The following GPCPD1 variants were observed in gnomAD, a reference collection of about 807,000 sequenced individuals.
The protein encoded by GPCPD1 is glycerophosphocholine phosphodiesterase GPCPD1.
A neutral mutation model predicts 89.2 loss-of-function variants in GPCPD1; 29 were observed. The observed-to-expected ratio is 0.33, with a 90% CI of 0.24 to 0.44. The LOEUF (loss-of-function observed/expected upper bound fraction) is 0.44. Ranked by LOEUF, GPCPD1 falls within the 20% of genes least tolerant of loss-of-function variation. The pLI, the probability that GPCPD1 is intolerant of heterozygous loss-of-function variation, is 1.00. For synonymous variants in GPCPD1, 258 were observed against 266.3 expected (o/e 0.97, Z 0.30); for missense variants, 594 against 808.9 (o/e 0.73, Z 3.22).
At chr20:5,566,847 C>CTT in intron 13 of GPCPD1, 75 bp from the exon 14 acceptor site, 1 of 911,086 alleles carries the variant, frequency 1.1e-6, no homozygotes, top group African/African-American at 1.7e-5. Context: ...AGAAAATATC[C>CTT]TGAAAAACTA....
At chr20:5,572,334 TCTA>T (rs1489347860) in intron 11 of GPCPD1, among the ~76,000 whole-genome samples, 3 of 152,156 alleles carry the variant, frequency 2.0e-5, no homozygotes, top group Non-Finnish European at 1.5e-5. Context: ...GATAAAACAA[TCTA>T]CTAACATTTT....
intron 19 of GPCPD1, among the ~76,000 whole-genome samples, chr20:5,550,075 C>T (rs1188187411): frequency 6.6e-6 from 1 of 151,822 alleles, no homozygotes; most frequent in East Asian, 1.9e-4. Context: ...CGCCTGTAGG[C>T]CCAGCTACTT....
At chr20:5,585,683 T>A (rs1439368563) in intron 5 of GPCPD1, 1 of 149,618 alleles carries the variant, frequency 6.7e-6, no homozygotes, top group Non-Finnish European at 1.5e-5. Flanking sequence ...CAATAGGGAA[T>A]TTAAGAAATT....
At position 5,567,581 on chromosome 20, in the gene GPCPD1, AAG is replaced by A. The variant is rs751349116; in HGVS notation, c.1150-23_1150-22del. 17 of 1,489,546 alleles carry A rather than the reference AAG, an allele frequency of 1.1e-5. No individual in the cohort carries two copies. The Admixed American group carries it at 2.9e-4, about 26-fold the overall frequency. The allele number at this position is 1,489,546 out of a possible 1,614,324, so 92.3% of individuals were successfully genotyped here. A position where few individuals can be genotyped will look rare whatever the true frequency, so the allele number is the denominator to read the frequency against. ...AATTTCTAAAAAAAAAAAAAAAAGA[AAG>A]AAAGAAAAAGAAAGAATAAAGAAAA... is the stretch of plus-strand genomic sequence containing the variant. On this transcript the variant is annotated intron_variant, in intron 12 of 19. Transcript: ENST00000379019.
intron 6 of GPCPD1, 40 bp from the exon 7 acceptor site, chr20:5,580,171 G>T: frequency 1.7e-6 from 2 of 1,157,002 alleles, no homozygotes; most frequent in Non-Finnish European, 1.3e-6. Flanking sequence ...TATTATACAT[G>T]TTTTTTTAAA....
chr20:5,598,477 A>C (rs1979887669), intron 3 of GPCPD1, among the ~76,000 whole-genome samples: 1 of 148,814 alleles, frequency 6.7e-6, no homozygotes, highest in Non-Finnish European at 1.5e-5. Context: ...CTGAGTTGTA[A>C]AAATAAAAAA....
At chr20:5,569,246 G>A (rs1986571989) in intron 12 of GPCPD1, among the ~76,000 whole-genome samples, 1 of 151,908 alleles carries the variant, frequency 6.6e-6, no homozygotes, top group African/African-American at 2.4e-5. Flanking sequence ...AGCAGGTGGT[G>A]CCAGGGTCTT....
chr20:5,606,675 ACACCAT>A (rs1980608096), intron 1 of GPCPD1, among the ~76,000 whole-genome samples: 1 of 152,182 alleles, frequency 6.6e-6, no homozygotes, highest in South Asian at 2.1e-4. Flanking sequence ...GCCCTGCTGA[ACACCAT>A]ACAATACGCA....
chr20:5,588,524 A>G (rs1979091050), intron 4 of GPCPD1, among the ~76,000 whole-genome samples: 1 of 149,572 alleles, frequency 6.7e-6, no homozygotes, highest in African/African-American at 2.5e-5. Flanking sequence ...TCGCAAATAC[A>G]TACATAAAAA....
At chr20:5,566,901 A>G in intron 13 of GPCPD1, 129 bp from the exon 14 acceptor site, 1 of 657,486 alleles carries the variant, frequency 1.5e-6, no homozygotes, top group Non-Finnish European at 2.7e-6. Flanking sequence ...TCAGTTTAAT[A>G]AGAATAAGCA....
intron 1 of GPCPD1, among the ~76,000 whole-genome samples, chr20:5,604,734 GT>G (rs1329869753): frequency 6.7e-6 from 1 of 149,244 alleles, no homozygotes; most frequent in African/African-American, 2.5e-5. Context: ...GAGCCCAGGA[GT>G]TTGAGACCAA....
At chr20:5,608,586 A>G (rs950719068) in intron 1 of GPCPD1, among the ~76,000 whole-genome samples, 1 of 150,740 alleles carries the variant, frequency 6.6e-6, no homozygotes, top group Non-Finnish European at 1.5e-5. Context: ...CAAAAAATGT[A>G]TGCACCCACC....
chr20:5,572,437 T>C (rs931172947), intron 11 of GPCPD1, among the ~76,000 whole-genome samples: 1 of 152,186 alleles, frequency 6.6e-6, no homozygotes, highest in Non-Finnish European at 1.5e-5. Flanking sequence ...AAGCTGTCAA[T>C]TAAATTATGA....
In GPCPD1 at chr20:5,578,572, A is replaced by T; in HGVS notation, c.513T>A (p.Asp171Glu). 6.2e-7 allele frequency: 1 copy of T among 1,613,190 alleles called. No individual in the cohort carries two copies. Among genetic ancestry groups the T allele is most frequent in the South Asian group, 1.1e-5 (1 of 91,074 alleles). Residue 171 changes from aspartate (D) to glutamate (E), a missense_variant, in exon 8 of 20, where the codon GAT becomes GAA. Coordinates refer to ENST00000379019, the MANE Select transcript of GPCPD1 (RefSeq NM_019593.5). ...GGAGTACAGTGGGAGATACCCTATC[A>T]TCGTCATCTTCCTCCAGGCCTTCTA... The part of the protein sequence containing the change: ...LTLEGLEEDD[D>E]DRVSPTVLHK...
At chr20:5,565,204 G>A in intron 14 of GPCPD1, 126 bp from the exon 15 acceptor site, 1 of 626,080 alleles carries the variant, frequency 1.6e-6, no homozygotes, top group Non-Finnish European at 2.9e-6. Flanking sequence ...GCAAGCGCGA[G>A]AGCATAAGTA....
At chr20:5,592,797 A>G (rs1165222272) in intron 4 of GPCPD1, among the ~76,000 whole-genome samples, 2 of 152,238 alleles carry the variant, frequency 1.3e-5, no homozygotes, top group African/African-American at 4.8e-5. Flanking sequence ...AGGCAAATTT[A>G]GAATAGATAT....
At chr20:5,587,944 T>G (rs1979043695) in intron 4 of GPCPD1, among the ~76,000 whole-genome samples, 1 of 152,176 alleles carries the variant, frequency 6.6e-6, no homozygotes, top group Non-Finnish European at 1.5e-5. Context: ...ATATATTTCT[T>G]CAAATCATTA....
chr20:5,582,155 C>T, intron 6 of GPCPD1, among the ~76,000 whole-genome samples: 1 of 124,826 alleles, frequency 8.0e-6, no homozygotes, highest in South Asian at 2.5e-4. Context: ...CACTGCACTC[C>T]AGCCTGGGCG....
chr20:5,610,600 C>T (rs1980900188), intron 1 of GPCPD1, among the ~76,000 whole-genome samples: 1 of 152,110 alleles, frequency 6.6e-6, no homozygotes, highest in South Asian at 2.1e-4. Context: ...AAGCCCCAGG[C>T]AGCCCAGCAG....
Sources: allele counts gnomAD v4.1 joint callset (sites outside exome capture counted in the v4.1 genomes callset), GRCh38; gene constraint gnomAD v4.1.1; transcripts MANE v1.5; gene names NCBI Gene and HGNC (gene_info 2026-07-23, HGNC 2026-07-21).